The following NRG3 variants were observed in gnomAD, a reference collection of about 807,000 sequenced individuals.
NRG3 encodes the protein neuregulin 3, also known as pro-neuregulin-3, membrane-bound isoform.
In NRG3, 31 loss-of-function variants were observed where a neutral mutation model predicts 66.9. The ratio of observed to expected loss-of-function variants is 0.46; its 90% CI spans 0.35 to 0.63. The LOEUF is 0.63. NRG3 is among the 20% of genes least tolerant of loss of function. The probability of loss-of-function intolerance (pLI) is 0.00; values close to 1 mark genes in which losing one functional copy is unlikely to be tolerated. For synonymous variants in NRG3, 393 were observed against 359.4 expected (o/e 1.09, Z -1.06); for missense variants, 910 against 878.9 (o/e 1.04, Z -0.45).
chr10:81,898,007 G>A (rs550480250), intron 1 of NRG3, among the ~76,000 whole-genome samples: 16 of 152,314 alleles, frequency 1.1e-4, no homozygotes, highest in African/African-American at 2.9e-4. Context: ...CTTTTTTAGA[G>A]GGAAGGGTAA....
intron 1 of NRG3, among the ~76,000 whole-genome samples, chr10:82,024,399 C>T (rs1397274507): frequency 6.6e-6 from 1 of 151,770 alleles, no homozygotes; most frequent in Non-Finnish European, 1.5e-5. Context: ...AACCTTTATA[C>T]AGTGGGTTAA....
At chr10:82,980,026 A>G (rs1852684163) in intron 8 of NRG3, among the ~76,000 whole-genome samples, 1 of 151,944 alleles carries the variant, frequency 6.6e-6, no homozygotes, top group African/African-American at 2.4e-5. Flanking sequence ...CAACATGGCA[A>G]AACCCCATCT....
rs927855234 is a variant in NRG3 at position 82,620,549 on chromosome 10, T to C, written c.954-118028T>C. The stretch of plus-strand genomic sequence containing the variant: ...TCAAGTCACTTCTCTCCAGTCAAGC[T>C]GCTTCTCTCTCTCTACCAAATGAGT... On this transcript the variant is annotated intron_variant, in intron 2 of 8. Transcript: ENST00000372141. 2.6e-5 allele frequency among the ~76,000 whole-genome samples: 4 copies of C among 152,126 alleles called. No individual in the cohort carries two copies. The East Asian group carries it at 5.8e-4, about 22-fold the overall frequency.
intron 1 of NRG3, among the ~76,000 whole-genome samples, chr10:82,319,729 G>A (rs1315106382): frequency 1.3e-5 from 2 of 152,158 alleles, no homozygotes; most frequent in East Asian, 3.9e-4. Flanking sequence ...CCACCTGCCT[G>A]GAGAGGGTTA....
intron 2 of NRG3, among the ~76,000 whole-genome samples, chr10:82,419,938 C>T (rs372558635): frequency 3.4e-4 from 52 of 152,246 alleles, no homozygotes; most frequent in African/African-American, 1.2e-3. Flanking sequence ...AATATACTCA[C>T]AGGATGTATT....
intron 1 of NRG3, among the ~76,000 whole-genome samples, chr10:81,937,947 T>C (rs1848038908): frequency 6.6e-6 from 1 of 152,010 alleles, no homozygotes; most frequent in Admixed American, 6.6e-5. Flanking sequence ...CCAACTTTGT[T>C]CTTTTCCATG....
At chr10:81,934,467 G>A (rs1482709815) in intron 1 of NRG3, among the ~76,000 whole-genome samples, 1 of 152,098 alleles carries the variant, frequency 6.6e-6, no homozygotes, top group Non-Finnish European at 1.5e-5. Context: ...CACACATAAA[G>A]CTTCTATCAT....
intron 2 of NRG3, among the ~76,000 whole-genome samples, chr10:82,449,791 G>A (rs1218457453): frequency 2.6e-5 from 4 of 152,012 alleles, no homozygotes; most frequent in Non-Finnish European, 5.9e-5. Context: ...AATCATATAC[G>A]TTTTTTTGAG....
chr10:81,894,875 T>A (rs1230137536), intron 1 of NRG3, among the ~76,000 whole-genome samples: 1 of 152,192 alleles, frequency 6.6e-6, no homozygotes, highest in African/African-American at 2.4e-5. Flanking sequence ...ACAAGTCTAC[T>A]GCTGTTCCCA....
intron 3 of NRG3, among the ~76,000 whole-genome samples, chr10:82,835,130 A>G (rs1056344255): frequency 1.6e-4 from 24 of 152,202 alleles, no homozygotes; most frequent in African/African-American, 5.8e-4. Context: ...TGGCAGTCAC[A>G]GTTGGAAATG....
intron 3 of NRG3, among the ~76,000 whole-genome samples, chr10:82,790,794 A>T (rs1255655440): frequency 1.3e-5 from 2 of 151,966 alleles, no homozygotes; most frequent in African/African-American, 4.8e-5. Flanking sequence ...TTCTCAAACC[A>T]TAAAATCTCA....
chr10:82,864,391 G>T (rs1323907335), intron 3 of NRG3, among the ~76,000 whole-genome samples: 1 of 151,990 alleles, frequency 6.6e-6, no homozygotes, highest in Non-Finnish European at 1.5e-5. Flanking sequence ...TGGGTAACTA[G>T]ATGCATGTTT....
intron 2 of NRG3, among the ~76,000 whole-genome samples, chr10:82,473,755 G>T (rs911075379): frequency 2.6e-5 from 4 of 152,152 alleles, no homozygotes; most frequent in South Asian, 4.2e-4. Context: ...TTGTCTTCAG[G>T]CTGCTTGAGG....
chr10:81,923,821 A>G (rs1041572870), intron 1 of NRG3, among the ~76,000 whole-genome samples: 1 of 152,126 alleles, frequency 6.6e-6, no homozygotes, highest in Non-Finnish European at 1.5e-5. Flanking sequence ...TGACGTTTGC[A>G]TGTTTGGAAA....
intron 1 of NRG3, among the ~76,000 whole-genome samples, chr10:81,936,189 A>G (rs575100934): frequency 6.6e-6 from 1 of 152,330 alleles, no homozygotes; most frequent in South Asian, 2.1e-4. Context: ...GAGAACTGAC[A>G]TGTTAATATA....
At chr10:82,921,290 T>C (rs1208229940) in intron 4 of NRG3, among the ~76,000 whole-genome samples, 1 of 152,038 alleles carries the variant, frequency 6.6e-6, no homozygotes, top group Non-Finnish European at 1.5e-5. Context: ...TTCTCAAAAG[T>C]GTCAAGGTGA....
chr10:82,277,659 T>C (rs931176950), intron 1 of NRG3, among the ~76,000 whole-genome samples: 1 of 152,072 alleles, frequency 6.6e-6, no homozygotes, highest in South Asian at 2.1e-4. Context: ...GAATATTGTA[T>C]CCTATTGCTC....
At chr10:82,219,383 G>A (rs1317691638) in intron 1 of NRG3, among the ~76,000 whole-genome samples, 1 of 150,992 alleles carries the variant, frequency 6.6e-6, no homozygotes, top group South Asian at 2.1e-4. Context: ...CTCGAGATTC[G>A]CTGGTCCAGA....
chr10:82,233,897 C>G (rs1223799399), intron 1 of NRG3, among the ~76,000 whole-genome samples: 1 of 152,002 alleles, frequency 6.6e-6, no homozygotes, highest in East Asian at 1.9e-4. Context: ...AATTCAGCAA[C>G]TTCCCTACAC....
Sources: gnomAD v4.1 joint callset for allele counts (sites outside exome capture counted in the v4.1 genomes callset) on GRCh38, gnomAD v4.1.1 for gene constraint, MANE v1.5 for transcripts, NCBI Gene and HGNC (gene_info 2026-07-23, HGNC 2026-07-21) for gene names.